Variants in SPAG16 observed in about 807,000 individuals in gnomAD.
SPAG16 encodes the protein sperm associated antigen 16, also known as sperm-associated antigen 16 protein.
SPAG16 carries 86 observed loss-of-function variants against 80.4 expected under a neutral mutation model. That is an observed-to-expected ratio of 1.07 (90% CI 0.90 to 1.28). The LOEUF (loss-of-function observed/expected upper bound fraction) is 1.28, where lower values mean the gene tolerates loss of function less well. Ranked by LOEUF, SPAG16 falls within the 50% of genes most tolerant of loss-of-function variation. The pLI, the probability that SPAG16 is intolerant of heterozygous loss-of-function variation, is 0.00. For synonymous variants in SPAG16, 294 were observed against 265.9 expected (o/e 1.11, Z -1.03); for missense variants, 870 against 765.3 (o/e 1.14, Z -1.61).
At chr2:213,720,297 G>A (rs1379619684) in intron 10 of SPAG16, among the ~76,000 whole-genome samples, 1 of 151,902 alleles carries the variant, frequency 6.6e-6, no homozygotes, top group East Asian at 1.9e-4. Context: ...TAATAAACCT[G>A]CTGGTTCTGC....
chr2:214,238,051 T>C (rs1312753639), intron 15 of SPAG16: 1 of 262,160 alleles, frequency 3.8e-6, no homozygotes, highest in East Asian at 1.1e-4. Context: ...GAAATTTATT[T>C]AAATTTAGAC....
intron 13 of SPAG16, among the ~76,000 whole-genome samples, chr2:214,086,507 GTGA>G (rs1231257282): frequency 6.6e-6 from 1 of 152,050 alleles, no homozygotes; most frequent in Non-Finnish European, 1.5e-5. Flanking sequence ...TGCTGTTCTG[GTGA>G]TAGTGAGTGA....
chr2:213,544,850 A>G (rs1239525777), intron 10 of SPAG16, among the ~76,000 whole-genome samples: 3 of 152,056 alleles, frequency 2.0e-5, no homozygotes, highest in East Asian at 3.9e-4. Context: ...TTGAGACTTG[A>G]TAGCTCATTT....
intron 15 of SPAG16, among the ~76,000 whole-genome samples, chr2:214,177,327 T>C (rs562753713): frequency 1.3e-5 from 2 of 151,094 alleles, no homozygotes; most frequent in Non-Finnish European, 3.0e-5. Flanking sequence ...AGGTTCAAAA[T>C]CTAACCCTTT....
intron 10 of SPAG16, among the ~76,000 whole-genome samples, chr2:213,843,152 T>C (rs1251826123): frequency 6.6e-6 from 1 of 152,062 alleles, no homozygotes; most frequent in African/African-American, 2.4e-5. Context: ...TTAGGGTACA[T>C]GTGCACAATG....
intron 10 of SPAG16, among the ~76,000 whole-genome samples, chr2:213,715,222 G>GTGTA (rs2066175985): frequency 9.1e-6 from 1 of 110,460 alleles, no homozygotes; most frequent in Non-Finnish European, 2.2e-5. Context: ...AGATCTATCT[G>GTGTA]TCTATCTATC....
At chr2:213,676,844 C>CA (rs2064106084) in intron 10 of SPAG16, among the ~76,000 whole-genome samples, 2 of 150,592 alleles carry the variant, frequency 1.3e-5, no homozygotes, top group South Asian at 4.2e-4. Flanking sequence ...CTAAAATTCT[C>CA]TTTTTTGGTT....
chr2:213,489,397 C>G (rs2074142234), intron 9 of SPAG16, among the ~76,000 whole-genome samples: 1 of 152,026 alleles, frequency 6.6e-6, no homozygotes, highest in Non-Finnish European at 1.5e-5. Context: ...CAAGAAATGA[C>G]AGATGTGGAT....
At chr2:213,830,363 G>C (rs780288835) in intron 10 of SPAG16, among the ~76,000 whole-genome samples, 7 of 152,154 alleles carry the variant, frequency 4.6e-5, no homozygotes, top group Non-Finnish European at 8.8e-5. Context: ...ACTGTGGGAT[G>C]GGTGAGGGGT....
intron 15 of SPAG16, among the ~76,000 whole-genome samples, chr2:214,249,458 A>G (rs1181234638): frequency 6.6e-6 from 1 of 152,126 alleles, no homozygotes; most frequent in African/African-American, 2.4e-5. Context: ...GGGGAGGAGA[A>G]GAGGAAGGAA....
At chr2:214,171,773 C>T (rs1199376876) in intron 15 of SPAG16, among the ~76,000 whole-genome samples, 1 of 151,900 alleles carries the variant, frequency 6.6e-6, no homozygotes, top group African/African-American at 2.4e-5. Flanking sequence ...GCAACTGATA[C>T]TGGTGCATCA....
chr2:214,104,906 A>G (rs932025839), intron 13 of SPAG16, among the ~76,000 whole-genome samples: 2 of 151,992 alleles, frequency 1.3e-5, no homozygotes, highest in Non-Finnish European at 1.5e-5. Context: ...CTGAAAGGGG[A>G]GGGGAAGGAA....
intron 15 of SPAG16, among the ~76,000 whole-genome samples, chr2:214,326,379 A>G (rs2126002674): frequency 6.6e-6 from 1 of 152,256 alleles, no homozygotes; most frequent in South Asian, 2.1e-4. Flanking sequence ...CCCTGCTGAC[A>G]CCTTGATTTT....
At chr2:214,044,755 T>C (rs1332964966) in intron 13 of SPAG16, among the ~76,000 whole-genome samples, 2 of 152,166 alleles carry the variant, frequency 1.3e-5, no homozygotes, top group Admixed American at 1.3e-4. Context: ...TTGTGAGGCA[T>C]TGCATTGAAC....
chr2:213,882,951 C>A (rs991869473), intron 11 of SPAG16, among the ~76,000 whole-genome samples: 7 of 152,200 alleles, frequency 4.6e-5, no homozygotes, highest in Admixed American at 1.3e-4. Context: ...CGGCTCACTG[C>A]AAGCTCCGCC....
intron 13 of SPAG16, among the ~76,000 whole-genome samples, chr2:214,076,471 A>G (rs11890184): frequency 0.023 from 3,544 of 151,876 alleles, 122 homozygotes; most frequent in East Asian, 0.16. Context: ...CTAAAGTGAA[A>G]ATTAGGGTAT....
intron 10 of SPAG16, among the ~76,000 whole-genome samples, chr2:213,557,862 C>A (rs1476430158): frequency 1.3e-5 from 2 of 152,126 alleles, no homozygotes; most frequent in Non-Finnish European, 2.9e-5. Context: ...ATTTAAAATG[C>A]ATTCTTATGT....
intron 2 of SPAG16, among the ~76,000 whole-genome samples, chr2:213,296,818 A>T (rs1474113976): frequency 6.6e-6 from 1 of 152,242 alleles, no homozygotes; most frequent in Non-Finnish European, 1.5e-5. Context: ...CTTAACTGTC[A>T]TTAATCATAA....
rs138835600 is a variant in SPAG16 at position 213,720,616 on chromosome 2, C to T, written c.1071-141869C>T. Among the ~76,000 whole-genome samples the T allele has an allele frequency of 9.6e-3, 1,447 of 150,044 alleles. 15 individuals carry two copies. The highest frequency in any genetic ancestry group is 0.053 in the South Asian group (247 of 4,662). On this transcript the variant is annotated intron_variant, in intron 10 of 15. Transcript: ENST00000331683. ...TCGCGCCACTGCACTCCAGCCTGGG[C>T]GACAGAGAAAGACTCCATCTAAAAA...
Sources: allele counts gnomAD v4.1 joint callset (sites outside exome capture counted in the v4.1 genomes callset), GRCh38; gene constraint gnomAD v4.1.1; transcripts MANE v1.5; gene names NCBI Gene and HGNC (gene_info 2026-07-23, HGNC 2026-07-21).